RPH3A: variants seen among roughly 807,000 people sequenced by gnomAD.
RPH3A encodes the protein rabphilin 3A.
RPH3A carries 48 observed loss-of-function variants against 102.2 expected under a neutral mutation model. The observed-to-expected ratio is 0.47, with a 90% CI of 0.37 to 0.60. RPH3A has a LOEUF of 0.60. Among genes scored for constraint, RPH3A ranks in the 20% least tolerant of loss-of-function variants. The pLI, the probability that RPH3A is intolerant of heterozygous loss-of-function variation, is 0.00. For missense variants in RPH3A, 781 were observed against 910.1 expected (o/e 0.86, Z 1.83); for synonymous variants, 310 against 324.3 (o/e 0.96, Z 0.47).
chr12:112,681,464 G>A (rs1027865192), intron 1 of RPH3A, among the ~76,000 whole-genome samples: 1 of 152,008 alleles, frequency 6.6e-6, no homozygotes, highest in African/African-American at 2.4e-5. Flanking sequence ...ATAAGCCTGG[G>A]ACTCTACACT....
At chr12:112,604,223 C>A (rs2039578215) in intron 1 of RPH3A, among the ~76,000 whole-genome samples, 1 of 152,172 alleles carries the variant, frequency 6.6e-6, no homozygotes, top group African/African-American at 2.4e-5. Flanking sequence ...TATCAATTTG[C>A]TAGTGTGTTG....
chr12:112,588,062 T>C (rs1489725849), intron 1 of RPH3A, among the ~76,000 whole-genome samples: 2 of 152,184 alleles, frequency 1.3e-5, no homozygotes, highest in South Asian at 2.1e-4. Context: ...AATGCTTTCA[T>C]TGAGAGAACT....
chr12:112,640,186 G>A (rs1033727034), intron 1 of RPH3A, among the ~76,000 whole-genome samples: 12 of 151,294 alleles, frequency 7.9e-5, no homozygotes, highest in East Asian at 3.9e-4. Context: ...TCAGCCGGGC[G>A]TGGTGGCACG....
At chr12:112,801,834 T>A (rs2041359764) in intron 2 of RPH3A, among the ~76,000 whole-genome samples, 2 of 152,212 alleles carry the variant, frequency 1.3e-5, no homozygotes, top group Non-Finnish European at 2.9e-5. Flanking sequence ...CTACTCTGTT[T>A]ATGCGTATTT....
chr12:112,826,960 A>G (rs998577931), intron 2 of RPH3A, among the ~76,000 whole-genome samples: 13 of 152,304 alleles, frequency 8.5e-5, no homozygotes, highest in Middle Eastern at 3.4e-3. Context: ...CATATTTCTC[A>G]GGTATATACC....
At chr12:112,663,437 C>T (rs780619623) in intron 1 of RPH3A, among the ~76,000 whole-genome samples, 1 of 152,076 alleles carries the variant, frequency 6.6e-6, no homozygotes, top group African/African-American at 2.4e-5. Flanking sequence ...TGGTCTTGAA[C>T]TCCTGGACTC....
intron 1 of RPH3A, among the ~76,000 whole-genome samples, chr12:112,651,517 C>T (rs1280816257): frequency 1.3e-5 from 2 of 152,188 alleles, no homozygotes; most frequent in Non-Finnish European, 1.5e-5. Flanking sequence ...ATAGATCTGT[C>T]TCACTCTTGC....
At chr12:112,825,530 T>C (rs1429023064) in intron 2 of RPH3A, among the ~76,000 whole-genome samples, 1 of 150,946 alleles carries the variant, frequency 6.6e-6, no homozygotes, top group Non-Finnish European at 1.5e-5. Context: ...ACGTGGTCTC[T>C]CCCCCCCTTA....
chr12:112,678,326 AAAG>A (rs2040201640), intron 1 of RPH3A, among the ~76,000 whole-genome samples: 1 of 135,680 alleles, frequency 7.4e-6, no homozygotes, highest in Non-Finnish European at 1.6e-5. Flanking sequence ...AGAAAGAAAG[AAAG>A]AAGGAAGGAA....
intron 2 of RPH3A, among the ~76,000 whole-genome samples, chr12:112,822,862 A>G (rs1360237055): frequency 1.3e-5 from 2 of 152,208 alleles, no homozygotes; most frequent in Admixed American, 6.5e-5. Flanking sequence ...AGCCCTTGAT[A>G]TTTGAACTTT....
At chr12:112,738,800 ATTGTGGC>A (rs1001287906) in intron 1 of RPH3A, among the ~76,000 whole-genome samples, 10 of 152,118 alleles carry the variant, frequency 6.6e-5, no homozygotes, top group Admixed American at 2.0e-4. Context: ...CATAATCCTA[ATTGTGGC>A]TTGCATTTCC....
intron 1 of RPH3A, among the ~76,000 whole-genome samples, chr12:112,760,771 G>T (rs1162141217): frequency 6.6e-6 from 1 of 152,182 alleles, no homozygotes; most frequent in African/African-American, 2.4e-5. Flanking sequence ...TGGCATGGGG[G>T]ACATCAGTCT....
Position 112,727,825 on chromosome 12 carries a change from G to A in RPH3A, c.-139-64318G>A, listed in dbSNP as rs574122259. On this transcript the variant is annotated intron_variant, in intron 1 of 21. Coordinates refer to the RPH3A transcript ENST00000543106. ...ACCACACAGTGTCTATTTCACTTAA[G>A]CCAGTTTGAGCAGGGTTCTTTTGTT... Among the ~76,000 whole-genome samples, 9 of 152,242 alleles carry A rather than the reference G, an allele frequency of 5.9e-5. No homozygotes were observed. The East Asian group carries it at 1.7e-3, about 29-fold the overall frequency.
intron 15 of RPH3A, 82 bp from the exon 16 acceptor site, chr12:112,883,211 C>T (rs1035918369): frequency 1.9e-6 from 2 of 1,058,874 alleles, no homozygotes; most frequent in African/African-American, 1.6e-5. Context: ...ACCCACCCAC[C>T]CCACGTCAGC....
chr12:112,823,322 T>C (rs2041812514), intron 2 of RPH3A, among the ~76,000 whole-genome samples: 1 of 152,232 alleles, frequency 6.6e-6, no homozygotes, highest in South Asian at 2.1e-4. Context: ...TTGGTAGCTG[T>C]ATGATTTTGA....
chr12:112,742,960 A>G (rs1456547305), intron 1 of RPH3A, among the ~76,000 whole-genome samples: 1 of 152,144 alleles, frequency 6.6e-6, no homozygotes, highest in Non-Finnish European at 1.5e-5. Flanking sequence ...TAGCGGCTGC[A>G]CATATTCCTC....
intron 1 of RPH3A, among the ~76,000 whole-genome samples, chr12:112,769,261 T>A (rs1414370500): frequency 6.6e-6 from 1 of 152,254 alleles, no homozygotes; most frequent in African/African-American, 2.4e-5. Context: ...TCTTTCTTCC[T>A]TCCAGTTTAT....
At chr12:112,682,609 C>A (rs900168170) in intron 1 of RPH3A, among the ~76,000 whole-genome samples, 1 of 152,146 alleles carries the variant, frequency 6.6e-6, no homozygotes, top group Non-Finnish European at 1.5e-5. Flanking sequence ...ATCCCAGGCT[C>A]CCCCTCTCTT....
Position 112,791,782 on chromosome 12 carries a change from C to T in RPH3A, c.-370C>T, listed in dbSNP as rs1337715295. The T allele has an allele frequency of 6.6e-6, 1 of 150,412 alleles. No individual in the cohort carries two copies. Among genetic ancestry groups the T allele is most frequent in the African/African-American group, 2.5e-5 (1 of 40,774 alleles). 9.3% of individuals were successfully genotyped at this position (150,412 alleles called of 1,614,324 possible). A position where few individuals can be genotyped will look rare whatever the true frequency, so the allele number is the denominator to read the frequency against. ...TTTGCAGTAGTGGTGGCAGCCGCGG[C>T]AGAAACTGGCTCTGGGGAAGCAATT... is the stretch of plus-strand genomic sequence containing the variant. On this transcript the variant is annotated 5_prime_UTR_variant, in exon 1 of 22. Coordinates refer to ENST00000389385, the MANE Select transcript of RPH3A (RefSeq NM_001143854.2).
Sources: gnomAD v4.1 joint callset for allele counts (sites outside exome capture counted in the v4.1 genomes callset) on GRCh38, gnomAD v4.1.1 for gene constraint, MANE v1.5 for transcripts, NCBI Gene and HGNC (gene_info 2026-07-23, HGNC 2026-07-21) for gene names.